CNTN5: variants seen among roughly 807,000 people sequenced by gnomAD.
The protein encoded by CNTN5 is contactin-5.
Under a neutral mutation model 129.1 loss-of-function variants are expected in CNTN5, and 77 were observed. The observed-to-expected ratio is 0.60, with a 90% CI of 0.50 to 0.72. The LOEUF (loss-of-function observed/expected upper bound fraction) is 0.72, where lower values mean the gene tolerates loss of function less well. Ranked by LOEUF, CNTN5 falls within the 30% of genes least tolerant of loss-of-function variation. The pLI, the probability that CNTN5 is intolerant of heterozygous loss-of-function variation, is 0.00. For synonymous variants in CNTN5, 509 were observed against 465.6 expected (o/e 1.09, Z -1.20); for missense variants, 1,478 against 1,328.8 (o/e 1.11, Z -1.75).
chr11:99,292,832 G>C (rs552218846), intron 1 of CNTN5, among the ~76,000 whole-genome samples: 5 of 151,762 alleles, frequency 3.3e-5, no homozygotes, highest in African/African-American at 1.2e-4. Flanking sequence ...GAAAGTATAG[G>C]ACTCCTTTGA....
intron 15 of CNTN5, among the ~76,000 whole-genome samples, chr11:100,212,933 AC>A (rs2138591930): frequency 6.6e-6 from 1 of 152,164 alleles, no homozygotes; most frequent in South Asian, 2.1e-4. Flanking sequence ...GTCTCATGGC[AC>A]CCTTAGTACT....
intron 8 of CNTN5, among the ~76,000 whole-genome samples, chr11:99,978,039 C>T (rs2137340964): frequency 6.6e-6 from 1 of 152,258 alleles, no homozygotes; most frequent in Middle Eastern, 3.4e-3. Flanking sequence ...GGTCTCATGA[C>T]ATTATAATGG....
intron 24 of CNTN5, among the ~76,000 whole-genome samples, chr11:100,351,656 G>GT (rs1491221366): frequency 5.5e-5 from 4 of 72,200 alleles, no homozygotes; most frequent in Admixed American, 3.5e-4. Flanking sequence ...CGTAGAGATA[G>GT]TAAAAAAAAA....
At chr11:100,060,670 G>A (rs1237412746) in intron 9 of CNTN5, among the ~76,000 whole-genome samples, 1 of 132,304 alleles carries the variant, frequency 7.6e-6, no homozygotes, top group Non-Finnish European at 1.6e-5. Flanking sequence ...ATGGAGTTTG[G>A]CTTTTGTTGC....
chr11:99,996,925 C>T (rs1939488267), intron 8 of CNTN5, among the ~76,000 whole-genome samples: 1 of 152,110 alleles, frequency 6.6e-6, no homozygotes, highest in East Asian at 1.9e-4. Context: ...CAGGTCCCTC[C>T]TTTGGCATGT....
At chr11:99,824,240 C>T (rs1032967596) in intron 4 of CNTN5, among the ~76,000 whole-genome samples, 19 of 151,882 alleles carry the variant, frequency 1.3e-4, no homozygotes, top group African/African-American at 4.6e-4. Flanking sequence ...ACACTTCTAC[C>T]AACATTATTG....
chr11:99,130,575 A>T (rs1858882408), intron 1 of CNTN5, among the ~76,000 whole-genome samples: 1 of 152,302 alleles, frequency 6.6e-6, no homozygotes, highest in East Asian at 1.9e-4. Flanking sequence ...TAACAAAGAT[A>T]ATCAGGACTC....
chr11:99,838,562 G>A (rs189508518), intron 4 of CNTN5, among the ~76,000 whole-genome samples: 5 of 152,236 alleles, frequency 3.3e-5, no homozygotes, highest in South Asian at 2.1e-4. Context: ...ACCTTAGCTG[G>A]GAGGTTCTGG....
At chr11:99,789,500 A>G (rs927431132) in intron 3 of CNTN5, among the ~76,000 whole-genome samples, 1 of 152,148 alleles carries the variant, frequency 6.6e-6, no homozygotes. Context: ...GAATAAACTG[A>G]CAAAATATTG....
intron 13 of CNTN5, among the ~76,000 whole-genome samples, chr11:100,161,850 C>T (rs930407177): frequency 2.7e-5 from 4 of 149,124 alleles, no homozygotes; most frequent in African/African-American, 1.0e-4. Context: ...CACACACACA[C>T]ACACACACAC....
chr11:99,188,193 G>C (rs1465984010), intron 1 of CNTN5, among the ~76,000 whole-genome samples: 3 of 151,748 alleles, frequency 2.0e-5, no homozygotes. Flanking sequence ...ATGGTATAAG[G>C]TTGGGTTAAT....
intron 3 of CNTN5, among the ~76,000 whole-genome samples, chr11:99,582,646 T>G (rs1949648933): frequency 6.6e-6 from 1 of 152,218 alleles, no homozygotes; most frequent in Non-Finnish European, 1.5e-5. Flanking sequence ...CATTCACACA[T>G]AGTTCTCATG....
chr11:99,638,411 T>A (rs948459776), intron 3 of CNTN5, among the ~76,000 whole-genome samples: 2 of 152,096 alleles, frequency 1.3e-5, no homozygotes, highest in Admixed American at 1.3e-4. Context: ...CTCATGTCCT[T>A]GCGTTTCAAA....
intron 4 of CNTN5, chr11:99,844,528 T>C (rs1947618841): frequency 2.9e-6 from 1 of 344,496 alleles, no homozygotes. Flanking sequence ...TTTTTTAAGA[T>C]ATTGTTTATG....
chr11:99,284,223 G>A (rs181470829), intron 1 of CNTN5, among the ~76,000 whole-genome samples: 2 of 152,054 alleles, frequency 1.3e-5, no homozygotes, highest in East Asian at 1.9e-4. Context: ...TAAAATTCTA[G>A]AACAATAGTC....
intron 7 of CNTN5, among the ~76,000 whole-genome samples, chr11:99,948,867 A>T (rs906285277): frequency 2.0e-5 from 3 of 152,148 alleles, no homozygotes; most frequent in African/African-American, 7.2e-5. Context: ...TCTCCAGAAA[A>T]TTTGCCACAC....
At chr11:99,411,733 A>T (rs916892320) in intron 2 of CNTN5, among the ~76,000 whole-genome samples, 1 of 152,176 alleles carries the variant, frequency 6.6e-6, no homozygotes, top group Admixed American at 6.6e-5. Context: ...GCCAGCAAAG[A>T]TCTGGATTAT....
intron 15 of CNTN5, among the ~76,000 whole-genome samples, chr11:100,212,365 T>C (rs995988891): frequency 2.6e-5 from 4 of 152,162 alleles, no homozygotes; most frequent in African/African-American, 9.6e-5. Context: ...TGAACAATGC[T>C]ACAGAAAACA....
At chr11:99,718,739 T>G (rs1943068992) in intron 3 of CNTN5, among the ~76,000 whole-genome samples, 3 of 152,108 alleles carry the variant, frequency 2.0e-5, no homozygotes, top group African/African-American at 7.2e-5. Context: ...GACATCTTAC[T>G]ATGTACCAAA....
Sources: allele counts gnomAD v4.1 joint callset (sites outside exome capture counted in the v4.1 genomes callset), GRCh38; gene constraint gnomAD v4.1.1; transcripts MANE v1.5; gene names NCBI Gene and HGNC (gene_info 2026-07-23, HGNC 2026-07-21).